The following GCC2 variants were observed in gnomAD, a reference collection of about 807,000 sequenced individuals.
GCC2 encodes GRIP and coiled-coil domain-containing protein 2.
GCC2 carries 120 observed loss-of-function variants against 210.6 expected under a neutral mutation model. The ratio of observed to expected loss-of-function variants is 0.57; its 90% CI spans 0.49 to 0.66. GCC2 has a LOEUF of 0.66. GCC2 is among the 30% of genes least tolerant of loss of function. The pLI, the probability that GCC2 is intolerant of heterozygous loss-of-function variation, is 0.00. For synonymous variants in GCC2, 703 were observed against 652.7 expected (o/e 1.08, Z -1.17); for missense variants, 1,868 against 1,871.9 (o/e 1.00, Z 0.04).
At chr2:108,507,167 A>G (rs1429269618) in intron 22 of GCC2, among the ~76,000 whole-genome samples, 8 of 152,068 alleles carry the variant, frequency 5.3e-5, no homozygotes, top group African/African-American at 1.9e-4. Context: ...CTGAAGTGGG[A>G]GGATCACTTG....
chr2:108,487,402 G>A (rs144512670), intron 16 of GCC2, among the ~76,000 whole-genome samples: 170 of 152,240 alleles, frequency 1.1e-3, no homozygotes, highest in African/African-American at 3.9e-3. Context: ...ATAAATGTTG[G>A]AGGCAATGGA....
rs148220751 is a variant in GCC2 at position 108,507,581 on chromosome 2, G to A, written c.5006G>A (p.Arg1669His). ...VAQGEEENAS[R>H]SSGWASYLHS... ...AAAGGTGAGGAAGAAAATGCTTCCC[G>A]TTCTTCTGGATGGGCATCCTATCTT... Residue 1669 changes from arginine to histidine, a missense_variant, in exon 23 of 23, where the codon CGT (arginine) becomes CAT (histidine). Arg to His is a conservative substitution (Grantham distance 29). Transcript: ENST00000309863. 4.8e-5 allele frequency: 77 copies of A among 1,594,918 alleles called. No individual in the cohort carries two copies. The African/African-American group carries it at 5.7e-4, about 12-fold the overall frequency.
intron 4 of GCC2, among the ~76,000 whole-genome samples, chr2:108,464,313 A>T (rs1344268723): frequency 6.6e-6 from 1 of 152,134 alleles, no homozygotes; most frequent in South Asian, 2.1e-4. Flanking sequence ...ACCCCTCTGC[A>T]TGGTTAGAAG....
chr2:108,497,931 C>T (rs1417849497), intron 21 of GCC2, among the ~76,000 whole-genome samples: 1 of 152,114 alleles, frequency 6.6e-6, no homozygotes, highest in African/African-American at 2.4e-5. Context: ...ACATGCTTTT[C>T]CCCTGTACTT....
At chr2:108,466,441 C>A (rs1044164754) in intron 4 of GCC2, among the ~76,000 whole-genome samples, 4 of 151,882 alleles carry the variant, frequency 2.6e-5, no homozygotes, top group African/African-American at 9.7e-5. Flanking sequence ...TGGTAAATAT[C>A]TTCTCCCAGC....
chr2:108,452,510 C>T, intron 4 of GCC2, 44 bp downstream of exon 4: 2 of 1,143,616 alleles, frequency 1.7e-6, no homozygotes, highest in Non-Finnish European at 2.6e-6. Flanking sequence ...ATAAAATTTC[C>T]CTGAGGATTG....
At position 108,449,299 on chromosome 2, in the gene GCC2, A is replaced by C; in HGVS notation, c.6+19A>C. The C allele has an allele frequency of 1.3e-6, 2 of 1,548,384 alleles. No homozygotes were observed. The highest frequency in any genetic ancestry group is 1.7e-6 in the Non-Finnish European group (2 of 1,144,638). On this transcript the variant is annotated intron_variant, in intron 1 of 22. Coordinates refer to ENST00000309863, the MANE Select transcript of GCC2 (RefSeq NM_181453.4). ...GATGGAGGTAACTCAGGTCGGGCCC[A>C]CTGCCTCCCATCAAGCCTTCCGCGC...
intron 13 of GCC2, chr2:108,484,746 T>C (rs1422797707): frequency 6.6e-6 from 1 of 152,666 alleles, no homozygotes; most frequent in Non-Finnish European, 1.5e-5. Context: ...TGCGGCGTTA[T>C]TTCTGAGGGC....
chr2:108,502,104 CTAAGAG>C (rs1231334524), intron 22 of GCC2, among the ~76,000 whole-genome samples: 2 of 151,920 alleles, frequency 1.3e-5, no homozygotes, highest in Non-Finnish European at 2.9e-5. Flanking sequence ...ATCTAGTTAC[CTAAGAG>C]TAAAACTGCC....
At chr2:108,504,234 A>G (rs1683075078) in intron 22 of GCC2, among the ~76,000 whole-genome samples, 2 of 152,170 alleles carry the variant, frequency 1.3e-5, no homozygotes, top group Admixed American at 1.3e-4. Context: ...GTGTTGGTAA[A>G]TACCTGACTG....
chr2:108,506,840 A>G (rs1683213529), intron 22 of GCC2, among the ~76,000 whole-genome samples: 1 of 151,552 alleles, frequency 6.6e-6, no homozygotes, highest in African/African-American at 2.4e-5. Flanking sequence ...TCATAACATC[A>G]AAGTATATTG....
At position 108,509,212 on chromosome 2, in the gene GCC2, T is replaced by C. The variant is rs753983574; in HGVS notation, c.*1582T>C. 2 of 152,668 alleles carry C rather than the reference T, an allele frequency of 1.3e-5. No homozygotes were observed. The highest frequency in any genetic ancestry group is 2.9e-5 in the Non-Finnish European group (2 of 68,048). The allele number at this position is 152,668 out of a possible 1,614,324, so 9.5% of individuals were successfully genotyped here. On this transcript the variant is annotated 3_prime_UTR_variant, in exon 23 of 23. Transcript: ENST00000309863. ...ATATATTTCACTTTCTCTTTGACTTTAGACCTTTTGAAGTCTGTATAAACT... is the reference window on the plus strand; with the variant it reads ...ATATATTTCACTTTCTCTTTGACTTCAGACCTTTTGAAGTCTGTATAAACT...
rs200408782 is a variant in GCC2 at position 108,470,193 on chromosome 2, A to C, written c.864A>C (p.Glu288Asp). The change falls in exon 6 of 23, where the codon GAA becomes GAC. Residue 288 changes from glutamate to aspartate, a missense_variant. By Grantham distance (45) the Glu-to-Asp change is conservative (BLOSUM62 2). Coordinates refer to ENST00000309863, the MANE Select transcript of GCC2 (RefSeq NM_181453.4). Reference protein sequence around the residue: ...ENLVKQCEASEKNIQKKYECE... With the variant: ...ENLVKQCEASDKNIQKKYECE... The stretch of plus-strand genomic sequence containing the variant: ...TAGTAAAACAATGTGAGGCAAGTGA[A>C]AAGAACATCCAGAAGAAATATGAAT... 44 of 1,613,228 alleles carry C rather than the reference A, an allele frequency of 2.7e-5. No individual in the cohort carries two copies. The highest frequency in any genetic ancestry group is 1.7e-6 in the Non-Finnish European group (2 of 1,179,778).
chr2:108,476,164 A>G (rs1365821049), intron 9 of GCC2, among the ~76,000 whole-genome samples: 6 of 148,826 alleles, frequency 4.0e-5, no homozygotes, highest in Non-Finnish European at 5.9e-5. Context: ...GGTTCCAGCA[A>G]TTCTCCTGCC....
intron 20 of GCC2, 47 bp downstream of exon 20, chr2:108,495,532 C>G: frequency 7.6e-7 from 1 of 1,309,910 alleles, no homozygotes; most frequent in Non-Finnish European, 1.1e-6. Flanking sequence ...ATTTCACTGT[C>G]TTATTTAATT....
At chr2:108,482,488 T>G in intron 11 of GCC2, 37 bp downstream of exon 11, 2 of 1,017,082 alleles carry the variant, frequency 2.0e-6, no homozygotes, top group Non-Finnish European at 3.0e-6. Context: ...CACATATATA[T>G]GATGCATTTA....
intron 6 of GCC2, among the ~76,000 whole-genome samples, chr2:108,472,576 A>T (rs549321621): frequency 6.6e-6 from 1 of 151,846 alleles, no homozygotes; most frequent in African/African-American, 2.4e-5. Context: ...TATTTAATGT[A>T]TCAGGTTGTT....
rs34052393 is a variant in GCC2 at position 108,459,745 on chromosome 2, C to CTTTTTTTTTTTTTTTTTTTTTTTTTTT, written c.216+7286_216+7312dup. Among the ~76,000 whole-genome samples, 9 of 26,782 alleles carry CTTTTTTTTTTTTTTTTTTTTTTTTTTT rather than the reference C, an allele frequency of 3.4e-4. 1 individual carries two copies. The highest frequency in any genetic ancestry group is 5.2e-4 in the African/African-American group (4 of 7,736). 17.6% of individuals were successfully genotyped at this position (26,782 alleles called of 152,430 possible). A position where few individuals can be genotyped will look rare whatever the true frequency, so the allele number is the denominator to read the frequency against. On this transcript the variant is annotated intron_variant, in intron 4 of 22. Coordinates refer to ENST00000309863, the MANE Select transcript of GCC2 (RefSeq NM_181453.4). The stretch of plus-strand genomic sequence containing the variant: ...GCCATTAGATAATGACCTTCTTTGT[C>CTTTTTTTTTTTTTTTTTTTTTTTTTTT]TTTTTTTTTTTTTTTTTTTTTTTTT...
At position 108,509,005 on chromosome 2, in the gene GCC2, T is replaced by C. The variant is rs1683350636; in HGVS notation, c.*1375T>C. On this transcript the variant is annotated 3_prime_UTR_variant, in exon 23 of 23. Transcript: ENST00000309863. ...TTTGCTGCTGATATGTTGAGTTTGT[T>C]CTTTAAAAAATAGCTCATATATCTC... 6.5e-6 allele frequency: 1 copy of C among 152,676 alleles called. No homozygotes were observed. Among genetic ancestry groups the C allele is most frequent in the African/African-American group, 2.4e-5 (1 of 41,464 alleles). 9.5% of individuals were successfully genotyped at this position (152,676 alleles called of 1,614,324 possible). A position where few individuals can be genotyped will look rare whatever the true frequency, so the allele number is the denominator to read the frequency against.
Sources: allele counts gnomAD v4.1 joint callset (sites outside exome capture counted in the v4.1 genomes callset), GRCh38; gene constraint gnomAD v4.1.1; transcripts MANE v1.5; gene names NCBI Gene and HGNC (gene_info 2026-07-23, HGNC 2026-07-21).